Variants in AKR1C3 observed in about 807,000 individuals in gnomAD.
The protein encoded by AKR1C3 is aldo-keto reductase family 1 member C3.
Under a neutral mutation model 43.6 loss-of-function variants are expected in AKR1C3, and 48 were observed. The observed-to-expected ratio is 1.10, with a 90% CI of 0.87 to 1.40. The LOEUF is 1.40. Among genes scored for constraint, AKR1C3 ranks in the 40% most tolerant of loss-of-function variants. AKR1C3 has a pLI of 0.00. For synonymous variants in AKR1C3, 162 were observed against 139.6 expected, an observed-to-expected ratio of 1.16 and a Z score of -1.13; for missense variants, 482 against 391.2, an observed-to-expected ratio of 1.23 and a Z score of -1.96.
At chr10:5,052,655 G>A (rs373880191) in intron 1 of AKR1C3, among the ~76,000 whole-genome samples, 16 of 151,704 alleles carry the variant, frequency 1.1e-4, no homozygotes, top group South Asian at 1.0e-3. Flanking sequence ...TATAAACCTC[G>A]AGCTAGATAC....
intron 1 of AKR1C3, chr10:5,077,908 CTT>C: frequency 1.1e-5 from 7 of 630,718 alleles, no homozygotes; most frequent in East Asian, 3.0e-5. Flanking sequence ...AGAATCATCT[CTT>C]TTGAAAAATC....
intron 1 of AKR1C3, among the ~76,000 whole-genome samples, chr10:5,085,808 A>G (rs1838952356): frequency 1.3e-5 from 2 of 151,688 alleles, no homozygotes; most frequent in South Asian, 2.1e-4. Flanking sequence ...TCTTGGGAGG[A>G]TGTATGTGTC....
rs145804560 is a variant in AKR1C3, at chr10:5,100,692, G to A, written c.570+1243G>A. Among the ~76,000 whole-genome samples, 881 of 152,252 alleles carry A rather than the reference G, an allele frequency of 5.8e-3. 9 individuals are homozygous for A. Among genetic ancestry groups the A allele is most frequent in the African/African-American group, 0.02 (819 of 41,550 alleles). ...GAAATGTGAAGTGTATAAAATTTGTGAATTTGGCCTAATGATACAGTTCCA... is the reference window on the plus strand; with the variant it reads ...GAAATGTGAAGTGTATAAAATTTGTAAATTTGGCCTAATGATACAGTTCCA... On this transcript the variant is annotated intron_variant, in intron 5 of 8. Coordinates refer to ENST00000380554, the MANE Select transcript of AKR1C3 (RefSeq NM_003739.6).
chr10:5,053,575 C>T (rs542803428), intron 1 of AKR1C3, among the ~76,000 whole-genome samples: 81 of 152,366 alleles, frequency 5.3e-4, no homozygotes, highest in Admixed American at 9.8e-4. Context: ...TGGAGGGCTG[C>T]TCAAGCATGG....
chr10:5,077,060 T>G (rs1838730529), intron 1 of AKR1C3, among the ~76,000 whole-genome samples: 1 of 152,192 alleles, frequency 6.6e-6, no homozygotes, highest in African/African-American at 2.4e-5. Flanking sequence ...CATTGAAATC[T>G]CTAGCCATTT....
chr10:5,104,013 A>C (rs1421773327), intron 7 of AKR1C3, among the ~76,000 whole-genome samples: 1 of 152,092 alleles, frequency 6.6e-6, no homozygotes, highest in Non-Finnish European at 1.5e-5. Flanking sequence ...CTGGGTATTA[A>C]TCGTTTAGAG....
intron 5 of AKR1C3, 87 bp downstream of exon 5, chr10:5,099,536 T>C (rs1554785682): frequency 1.3e-6 from 2 of 1,589,342 alleles, no homozygotes; most frequent in East Asian, 2.2e-5. Flanking sequence ...TTTGTCCCAG[T>C]TATCTTTGTG....
At chr10:5,103,978 TTACACATACATACA>T (rs1201377383) in intron 7 of AKR1C3, among the ~76,000 whole-genome samples, 1 of 152,032 alleles carries the variant, frequency 6.6e-6, no homozygotes, top group Non-Finnish European at 1.5e-5. Context: ...ATGAGATAGA[TTACACATACATACA>T]TATATATATT....
At chr10:5,093,148 T>A (rs1839132564), upstream of AKR1C3, among the ~76,000 whole-genome samples, 2 of 152,066 alleles carry the variant, frequency 1.3e-5, no homozygotes, top group African/African-American at 4.8e-5. Flanking sequence ...TTAGACGGAC[T>A]ATTGCACGTC....
intron 1 of AKR1C3, among the ~76,000 whole-genome samples, chr10:5,071,738 A>C (rs1256057608): frequency 6.6e-6 from 1 of 152,220 alleles, no homozygotes. Context: ...CCTGTCTCCC[A>C]GTCTCACAGA....
rs182357500 is a variant in AKR1C3, at chr10:5,054,047, G to C, written c.84+5152G>C. On this transcript the variant is annotated intron_variant, in intron 1 of 8. Transcript: ENST00000439082. ...TTGGTATAAGAATTTGAAAGGCGTT[G>C]TCTGATTTCAGAAGCCTTTTCCTGT... Among the ~76,000 whole-genome samples the C allele has an allele frequency of 1.6e-3, 248 of 152,330 alleles. 4 individuals are homozygous for C. The highest frequency in any genetic ancestry group is 5.7e-3 in the African/African-American group (238 of 41,558).
intron 1 of AKR1C3, among the ~76,000 whole-genome samples, chr10:5,059,973 G>A (rs1005564022): frequency 1.6e-4 from 24 of 152,196 alleles, no homozygotes; most frequent in African/African-American, 2.2e-4. Context: ...GGATGTGTTT[G>A]GAGTTTATTC....
At position 5,063,765 on chromosome 10, in the gene AKR1C3, C is replaced by CAAAAAAAAAA. The variant is rs71391987; in HGVS notation, c.84+14885_84+14894dup. Reference sequence around the variant, plus strand: ...AGGACAGAGGTAGTCTCTGTCTCAGCAAAAAAAAAAAAAAAAAAAAAAAAG... The same window carrying CAAAAAAAAAA: ...AGGACAGAGGTAGTCTCTGTCTCAGCAAAAAAAAAAAAAAAAAAAAAAAAAAAAAAAAAAG... On this transcript the variant is annotated intron_variant, in intron 1 of 8. Transcript: ENST00000439082. Among the ~76,000 whole-genome samples, 35 of 46,416 alleles carry CAAAAAAAAAA rather than the reference C, an allele frequency of 7.5e-4. 2 individuals are homozygous for CAAAAAAAAAA. The highest frequency in any genetic ancestry group is 1.3e-3 in the African/African-American group (15 of 11,988). The allele number at this position is 46,416 out of a possible 152,430, so 30.5% of individuals were successfully genotyped here. A position where few individuals can be genotyped will look rare whatever the true frequency, so the allele number is the denominator to read the frequency against.
chr10:5,075,156 G>A lies in AKR1C3; in HGVS notation c.85-21254G>A, dbSNP rs545471007. On this transcript the variant is annotated intron_variant, in intron 1 of 8. Transcript: ENST00000439082. ...CTCTTTTCTCCCTCCCATAACCCAT[G>A]TTGCCACTACAATCTGTTTTGCCAA... is the stretch of plus-strand genomic sequence containing the variant. Among the ~76,000 whole-genome samples the A allele has an allele frequency of 1.4e-3, 207 of 152,002 alleles. 1 individual carries two copies. The highest frequency in any genetic ancestry group is 4.8e-3 in the African/African-American group (199 of 41,448).
chr10:5,061,360 G>A (rs1838379467), intron 1 of AKR1C3, among the ~76,000 whole-genome samples: 1 of 152,200 alleles, frequency 6.6e-6, no homozygotes, highest in African/African-American at 2.4e-5. Context: ...TGGAGGATGA[G>A]GGCTATTGAC....
chr10:5,078,421 T>A (rs922674454), intron 1 of AKR1C3, among the ~76,000 whole-genome samples: 2 of 152,152 alleles, frequency 1.3e-5, no homozygotes, highest in African/African-American at 4.8e-5. Context: ...TCCAGCCTGG[T>A]CAACAGAGCA....
chr10:5,089,718 C>CT (rs1198699260), upstream of AKR1C3, among the ~76,000 whole-genome samples: 1 of 152,036 alleles, frequency 6.6e-6, no homozygotes, highest in East Asian at 1.9e-4. Flanking sequence ...ACTTTGAATT[C>CT]TATACCTGAC....
At chr10:5,103,320 TTGTGTAC>T (rs1173156733) in intron 7 of AKR1C3, among the ~76,000 whole-genome samples, 1 of 139,594 alleles carries the variant, frequency 7.2e-6, no homozygotes, top group Admixed American at 7.0e-5. Flanking sequence ...AGTTTTCTGT[TTGTGTAC>T]TGCCTGTTTA....
At chr10:5,060,292 C>T (rs1554780082) in intron 1 of AKR1C3, among the ~76,000 whole-genome samples, 1 of 152,194 alleles carries the variant, frequency 6.6e-6, no homozygotes, top group African/African-American at 2.4e-5. Flanking sequence ...ATTCTCTTTT[C>T]TGGTCCCACC....
Sources: gnomAD v4.1 joint callset for allele counts (sites outside exome capture counted in the v4.1 genomes callset) on GRCh38, gnomAD v4.1.1 for gene constraint, MANE v1.5 for transcripts, NCBI Gene and HGNC (gene_info 2026-07-23, HGNC 2026-07-21) for gene names.